DNAH12: variants seen among roughly 807,000 people sequenced by gnomAD.
DNAH12 encodes the protein axonemal beta dynein heavy chain 12.
A neutral mutation model predicts 371.5 loss-of-function variants in DNAH12; 285 were observed. That is an observed-to-expected ratio of 0.77 (90% CI 0.70 to 0.85). The LOEUF (loss-of-function observed/expected upper bound fraction) is 0.85. Among genes scored for constraint, DNAH12 ranks in the 40% least tolerant of loss-of-function variants. The probability of loss-of-function intolerance (pLI) is 0.00; values close to 1 mark genes in which losing one functional copy is unlikely to be tolerated. For missense variants in DNAH12, 3,611 were observed against 3,689.4 expected (o/e 0.98, Z 0.55); for synonymous variants, 1,200 against 1,213.0 (o/e 0.99, Z 0.22).
At chr3:57,512,810 C>A (rs960308548) in intron 4 of DNAH12, among the ~76,000 whole-genome samples, 1 of 152,148 alleles carries the variant, frequency 6.6e-6, no homozygotes, top group Non-Finnish European at 1.5e-5. Flanking sequence ...ATGGAACCAA[C>A]CCAAATGCCC....
the DNAH12 span, among the ~76,000 whole-genome samples, chr3:57,551,954 G>A: frequency 6.7e-6 from 1 of 149,552 alleles, no homozygotes; most frequent in African/African-American, 2.5e-5. Flanking sequence ...TTTAAGAGAT[G>A]GGGTCTCGGG....
intron 66 of DNAH12, among the ~76,000 whole-genome samples, chr3:57,313,562 A>C (rs190611963): frequency 3.3e-4 from 50 of 152,268 alleles, no homozygotes; most frequent in Non-Finnish European, 7.1e-4. Context: ...GCTGAGGCAT[A>C]AGAATAGCTT....
At chr3:57,540,233 T>G (rs899690026) in intron 2 of DNAH12, among the ~76,000 whole-genome samples, 1 of 151,516 alleles carries the variant, frequency 6.6e-6, no homozygotes, top group Non-Finnish European at 1.5e-5. Context: ...GTATTTTTAG[T>G]AGAGACAGGG....
intron 32 of DNAH12, among the ~76,000 whole-genome samples, chr3:57,432,065 T>G (rs1418295587): frequency 6.6e-6 from 1 of 152,150 alleles, no homozygotes; most frequent in East Asian, 1.9e-4. Flanking sequence ...CCTTCCTGCT[T>G]CTTCTCTATT....
At chr3:57,443,762 T>C (rs1165616851) in intron 29 of DNAH12, among the ~76,000 whole-genome samples, 1 of 152,100 alleles carries the variant, frequency 6.6e-6, no homozygotes, top group African/African-American at 2.4e-5. Context: ...AGCCTTATTA[T>C]GTTACCTATA....
chr3:57,326,915 C>A (rs2061962431), intron 62 of DNAH12, among the ~76,000 whole-genome samples: 1 of 152,140 alleles, frequency 6.6e-6, no homozygotes, highest in Non-Finnish European at 1.5e-5. Flanking sequence ...CAATCCTGGT[C>A]TCTGATAAAA....
intron 13 of DNAH12, among the ~76,000 whole-genome samples, chr3:57,475,228 T>A (rs1161519410): frequency 6.6e-6 from 1 of 152,084 alleles, no homozygotes; most frequent in Non-Finnish European, 1.5e-5. Flanking sequence ...GAGGATTTCT[T>A]AAATAAAACA....
chr3:57,407,820 T>A (rs985593173), intron 40 of DNAH12, among the ~76,000 whole-genome samples: 5 of 152,188 alleles, frequency 3.3e-5, no homozygotes, highest in East Asian at 1.9e-4. Context: ...CATTGCTACT[T>A]ATAAATTATG....
At chr3:57,361,448 A>ATATATATATATATATATATATC in intron 58 of DNAH12, among the ~76,000 whole-genome samples, 1 of 131,956 alleles carries the variant, frequency 7.6e-6, no homozygotes, top group African/African-American at 3.1e-5. Context: ...CACACACTAT[A>ATATATATATATATATATATATC]TATATATATA....
At chr3:57,486,410 A>T (rs1029994925) in intron 12 of DNAH12, among the ~76,000 whole-genome samples, 3 of 151,458 alleles carry the variant, frequency 2.0e-5, no homozygotes, top group Non-Finnish European at 4.4e-5. Context: ...TCTCTATTAA[A>T]TTTTTTTTAA....
rs368757579 is a variant in DNAH12, at chr3:57,421,902, C to CTTTTTTTTTTTTTTTTTTTTT, written c.5374-217_5374-197dup. 5.7e-4 allele frequency among the ~76,000 whole-genome samples: 56 copies of CTTTTTTTTTTTTTTTTTTTTT among 98,522 alleles called. 8 individuals carry two copies. The highest frequency in any genetic ancestry group is 2.0e-3 in the African/African-American group (41 of 20,616). 64.6% of individuals were successfully genotyped at this position (98,522 alleles called of 152,430 possible). A position where few individuals can be genotyped will look rare whatever the true frequency, so the allele number is the denominator to read the frequency against. On this transcript the variant is annotated intron_variant, in intron 35 of 73. Transcript: ENST00000495027. ...AATTTTTATCAAAATGTTTGCATGT[C>CTTTTTTTTTTTTTTTTTTTTT]TTTTTTTTTTTTTTTTTTTTTGAGA...
chr3:57,316,736 C>A (rs560530269), intron 65 of DNAH12, among the ~76,000 whole-genome samples: 1 of 152,098 alleles, frequency 6.6e-6, no homozygotes, highest in African/African-American at 2.4e-5. Context: ...TCACGAGATC[C>A]GATGGTTTTA....
At chr3:57,464,006 C>T (rs1160141730) in intron 17 of DNAH12, among the ~76,000 whole-genome samples, 2 of 152,008 alleles carry the variant, frequency 1.3e-5, no homozygotes, top group African/African-American at 4.8e-5. Flanking sequence ...TCCACATCTG[C>T]ATTGCCCCTC....
intron 2 of DNAH12, among the ~76,000 whole-genome samples, chr3:57,537,539 G>C (rs2069096926): frequency 6.6e-6 from 1 of 152,160 alleles, no homozygotes; most frequent in African/African-American, 2.4e-5. Flanking sequence ...CTTTGAAAAA[G>C]AGAAGTCTGC....
chr3:57,414,025 G>A, intron 38 of DNAH12, 113 bp from the exon 39 acceptor site: 1 of 1,033,988 alleles, frequency 9.7e-7, no homozygotes, highest in South Asian at 1.8e-5. Context: ...AGAATCCATG[G>A]GATTTTTACC....
the DNAH12 span, among the ~76,000 whole-genome samples, chr3:57,551,212 T>C: frequency 6.6e-6 from 1 of 151,894 alleles, no homozygotes; most frequent in Admixed American, 6.6e-5. Flanking sequence ...TGACTTAACT[T>C]TTCCTCACTA....
chr3:57,298,337 C>A (rs1459776632), intron 70 of DNAH12, among the ~76,000 whole-genome samples: 1 of 152,208 alleles, frequency 6.6e-6, no homozygotes, highest in Non-Finnish European at 1.5e-5. Context: ...ACTCTCAACT[C>A]CTCAAAGTTG....
chr3:57,444,619 T>C (rs1651127545), intron 29 of DNAH12, 78 bp downstream of exon 29: 9 of 1,518,900 alleles, frequency 5.9e-6, no homozygotes, highest in Non-Finnish European at 1.8e-6. Context: ...ATTTCACACA[T>C]TAATAAATCT....
At chr3:57,473,269 C>T (rs7632311) in intron 13 of DNAH12, among the ~76,000 whole-genome samples, 62,536 of 151,812 alleles carry the variant, frequency 0.41, 14,878 homozygotes, top group South Asian at 0.58. Flanking sequence ...GGTGGATCAC[C>T]TGAGGTCAGG....
Sources: allele counts gnomAD v4.1 joint callset (sites outside exome capture counted in the v4.1 genomes callset), GRCh38; gene constraint gnomAD v4.1.1; transcripts MANE v1.5; gene names NCBI Gene and HGNC (gene_info 2026-07-23, HGNC 2026-07-21).